CHSY3: variants seen among roughly 807,000 people sequenced by gnomAD.
The protein encoded by CHSY3 is N-acetylgalactosaminyl-proteoglycan 3-beta-glucuronosyltransferase 3.
In CHSY3, 35 loss-of-function variants were observed where a neutral mutation model predicts 67.2. The observed-to-expected ratio is 0.52, with a 90% CI of 0.40 to 0.69. CHSY3 has a LOEUF of 0.69. Ranked by LOEUF, CHSY3 falls within the 30% of genes least tolerant of loss-of-function variation. The pLI is 0.00. For missense variants in CHSY3, 1,069 were observed against 1,138.5 expected (o/e 0.94, Z 0.88); for synonymous variants, 474 against 434.7 (o/e 1.09, Z -1.12).
chr5:130,176,698 T>C (rs191664092), intron 2 of CHSY3, among the ~76,000 whole-genome samples: 2,025 of 152,208 alleles, frequency 0.013, 42 homozygotes, highest in African/African-American at 0.045. Flanking sequence ...TTGCAGGACA[T>C]GGATGAAGCT....
At chr5:130,070,501 G>A (rs1342110727) in intron 2 of CHSY3, among the ~76,000 whole-genome samples, 1 of 152,042 alleles carries the variant, frequency 6.6e-6, no homozygotes, top group Non-Finnish European at 1.5e-5. Context: ...GTGGATTTTG[G>A]TGTCAGAAAA....
chr5:130,072,526 T>C (rs1369512974), intron 2 of CHSY3, among the ~76,000 whole-genome samples: 1 of 152,074 alleles, frequency 6.6e-6, no homozygotes, highest in Non-Finnish European at 1.5e-5. Context: ...GTGTGTCTGT[T>C]TTTATGCCAG....
At chr5:129,990,725 T>C (rs1019059767) in intron 2 of CHSY3, among the ~76,000 whole-genome samples, 2 of 152,172 alleles carry the variant, frequency 1.3e-5, no homozygotes, top group Middle Eastern at 3.2e-3. Context: ...TTCACTTTAT[T>C]CATTCATTTG....
At chr5:130,030,036 CTAAAT>C (rs1176651970) in intron 2 of CHSY3, among the ~76,000 whole-genome samples, 1 of 151,974 alleles carries the variant, frequency 6.6e-6, no homozygotes, top group Middle Eastern at 3.2e-3. Context: ...AATTTTTTTC[CTAAAT>C]TAGTTTTCTG....
intron 2 of CHSY3, among the ~76,000 whole-genome samples, chr5:130,076,692 G>A (rs1055384243): frequency 2.0e-5 from 3 of 151,714 alleles, no homozygotes; most frequent in Non-Finnish European, 4.4e-5. Flanking sequence ...TATTAAAAAA[G>A]GACATCATTT....
chr5:130,028,215 C>T (rs547032102), intron 2 of CHSY3, among the ~76,000 whole-genome samples: 61 of 152,220 alleles, frequency 4.0e-4, no homozygotes, highest in Non-Finnish European at 8.2e-4. Flanking sequence ...CAAGACAATC[C>T]TAAGCCAAAA....
At chr5:130,139,637 A>G (rs2149718391) in intron 2 of CHSY3, among the ~76,000 whole-genome samples, 1 of 152,330 alleles carries the variant, frequency 6.6e-6, no homozygotes, top group South Asian at 2.1e-4. Context: ...AAAACCATAC[A>G]GTTCCACTCT....
intron 2 of CHSY3, among the ~76,000 whole-genome samples, chr5:130,053,473 G>A (rs1262317566): frequency 2.0e-5 from 3 of 152,098 alleles, no homozygotes; most frequent in Non-Finnish European, 4.4e-5. Flanking sequence ...AGTAATGATG[G>A]TCATTCCTCA....
chr5:129,940,752 G>A (rs562413374), intron 2 of CHSY3, among the ~76,000 whole-genome samples: 1 of 152,030 alleles, frequency 6.6e-6, no homozygotes, highest in East Asian at 1.9e-4. Flanking sequence ...GTATATTCAT[G>A]TGTGTAGACT....
chr5:129,959,019 A>G (rs1015590671), intron 2 of CHSY3, among the ~76,000 whole-genome samples: 4 of 152,132 alleles, frequency 2.6e-5, no homozygotes, highest in Non-Finnish European at 5.9e-5. Context: ...AAACTCTACT[A>G]TTCATTCAAA....
At chr5:130,057,347 C>T (rs1176087099) in intron 2 of CHSY3, among the ~76,000 whole-genome samples, 5 of 152,014 alleles carry the variant, frequency 3.3e-5, no homozygotes, top group African/African-American at 4.8e-5. Flanking sequence ...ATTCTGACAT[C>T]ATGTGTAGTA....
chr5:130,178,253 A>ATATATATATATATAT (rs1205782386), intron 2 of CHSY3, among the ~76,000 whole-genome samples: 6 of 45,910 alleles, frequency 1.3e-4, no homozygotes, highest in African/African-American at 5.1e-4. Context: ...ATATATATAT[A>ATATATATATATATAT]TTTTTTTTTT....
At chr5:129,914,177 C>T (rs1384016176) in intron 2 of CHSY3, among the ~76,000 whole-genome samples, 2 of 152,128 alleles carry the variant, frequency 1.3e-5, no homozygotes, top group African/African-American at 4.8e-5. Flanking sequence ...ATGCTGCAAT[C>T]TTGGCTCACT....
chr5:130,006,243 A>G (rs1763869586), intron 2 of CHSY3, among the ~76,000 whole-genome samples: 1 of 152,140 alleles, frequency 6.6e-6, no homozygotes, highest in Admixed American at 6.5e-5. Flanking sequence ...GGCGTTAGGA[A>G]TTTGCCTGGA....
intron 2 of CHSY3, among the ~76,000 whole-genome samples, chr5:130,073,683 G>A (rs550704000): frequency 6.6e-6 from 1 of 152,140 alleles, no homozygotes; most frequent in African/African-American, 2.4e-5. Flanking sequence ...CCTGCACCTA[G>A]CCAAAAATAA....
intron 2 of CHSY3, among the ~76,000 whole-genome samples, chr5:130,135,084 C>A (rs1768615733): frequency 1.3e-5 from 2 of 151,896 alleles, no homozygotes. Context: ...GATATACACA[C>A]ACATATATAC....
At chr5:129,935,622 C>T (rs563768941) in intron 2 of CHSY3, among the ~76,000 whole-genome samples, 1 of 152,156 alleles carries the variant, frequency 6.6e-6, no homozygotes, top group Non-Finnish European at 1.5e-5. Context: ...ATAGATGGAA[C>T]AGAAACCCCA....
chr5:129,957,267 G>A (rs551556599), intron 2 of CHSY3, among the ~76,000 whole-genome samples: 43 of 152,114 alleles, frequency 2.8e-4, no homozygotes, highest in Non-Finnish European at 5.0e-4. Flanking sequence ...CTCTCAGCTT[G>A]ATTTTTTTTG....
intron 2 of CHSY3, among the ~76,000 whole-genome samples, chr5:130,007,477 G>A (rs529503627): frequency 1.1e-4 from 16 of 152,084 alleles, no homozygotes; most frequent in Non-Finnish European, 2.2e-4. Context: ...CCTGCATGTG[G>A]TTATTTAGTA....
Sources: gnomAD v4.1 joint callset for allele counts (sites outside exome capture counted in the v4.1 genomes callset) on GRCh38, gnomAD v4.1.1 for gene constraint, MANE v1.5 for transcripts, NCBI Gene and HGNC (gene_info 2026-07-23, HGNC 2026-07-21) for gene names.